NHSL3: variants seen among roughly 807,000 people sequenced by gnomAD.
NHSL3 encodes NHS like 3.
At chr1:32,771,847 C>T in the NHSL3 span, 8 of 1,604,572 alleles carry the variant, frequency 5.0e-6, no homozygotes, top group South Asian at 2.2e-5. Context: ...GGTGCGGCTG[C>T]GCTCCGTGGG....
chr1:32,747,959 A>G, the NHSL3 span, among the ~76,000 whole-genome samples: 1 of 152,012 alleles, frequency 6.6e-6, no homozygotes, highest in Non-Finnish European at 1.5e-5. Context: ...AAATGCAAAA[A>G]TTAGCTGGGC....
chr1:32,771,415 A>C, the NHSL3 span: 2 of 1,444,812 alleles, frequency 1.4e-6, no homozygotes, highest in Middle Eastern at 1.9e-4. Context: ...ACCCACTAAG[A>C]AGCCAGAGGT....
chr1:32,745,293 C>G, the NHSL3 span, among the ~76,000 whole-genome samples: 1 of 152,092 alleles, frequency 6.6e-6, no homozygotes, highest in Non-Finnish European at 1.5e-5. Context: ...GGCGTGGTGG[C>G]TCACACCTGT....
the NHSL3 span, among the ~76,000 whole-genome samples, chr1:32,750,466 C>T: frequency 4.6e-5 from 7 of 152,096 alleles, 1 homozygote; most frequent in Non-Finnish European, 8.8e-5. Flanking sequence ...GCTTAGGACA[C>T]CCCCTCCTCC....
At chr1:32,771,642 A>G in the NHSL3 span, 1 of 1,612,414 alleles carries the variant, frequency 6.2e-7, no homozygotes, top group Non-Finnish European at 8.5e-7. Flanking sequence ...CGTCCTCCTC[A>G]GCTACTGCTT....
chr1:32,757,308 G>A, the NHSL3 span, among the ~76,000 whole-genome samples: 2 of 152,136 alleles, frequency 1.3e-5, no homozygotes, highest in African/African-American at 2.4e-5. Context: ...TACAAAAGTG[G>A]GGTGTTAGGA....
chr1:32,770,346 A>C, the NHSL3 span: 284 of 1,611,208 alleles, frequency 1.8e-4, no homozygotes, highest in African/African-American at 3.4e-3. The surrounding 1 kb of genome is among the most constrained non-coding windows in gnomAD (Gnocchi z 8.3). Flanking sequence ...GCCCAGCCTC[A>C]GTCCGCTCGC....
At chr1:32,752,459 C>G in the NHSL3 span, among the ~76,000 whole-genome samples, 21 of 152,136 alleles carry the variant, frequency 1.4e-4, no homozygotes. Flanking sequence ...GTTGGAGAGA[C>G]AGGGCAGAAG....
the NHSL3 span, among the ~76,000 whole-genome samples, chr1:32,764,597 A>G: frequency 4.6e-5 from 7 of 151,698 alleles, no homozygotes; most frequent in African/African-American, 1.7e-4. Context: ...CCTCCCGAGT[A>G]GCTGAGATTA....
the NHSL3 span, among the ~76,000 whole-genome samples, chr1:32,752,680 C>T: frequency 1.3e-5 from 2 of 151,424 alleles, no homozygotes; most frequent in African/African-American, 2.4e-5. Context: ...CAGGTTCAAG[C>T]GATCCTCCCA....
chr1:32,742,132 GC>G, the NHSL3 span: 8 of 1,244,560 alleles, frequency 6.4e-6, no homozygotes, highest in South Asian at 6.6e-5. Context: ...CGAACCGGCC[GC>G]CCCCCGGGCC....
the NHSL3 span, chr1:32,754,065 T>G: frequency 1.5e-6 from 1 of 652,106 alleles, no homozygotes; most frequent in Non-Finnish European, 2.8e-6. Flanking sequence ...GCGCTTGGGT[T>G]CCCGCGCCGG....
chr1:32,769,753 C>T, the NHSL3 span: 7 of 1,613,500 alleles, frequency 4.3e-6, no homozygotes, highest in South Asian at 4.4e-5. Context: ...GAGCACTGTG[C>T]TGGGACTCCC....
the NHSL3 span, among the ~76,000 whole-genome samples, chr1:32,745,470 A>G: frequency 1.3e-5 from 2 of 151,570 alleles, no homozygotes; most frequent in African/African-American, 4.9e-5. Context: ...AGGCAGGAGA[A>G]TCGCTTGAAC....
the NHSL3 span, chr1:32,769,849 G>C: frequency 5.3e-5 from 86 of 1,611,424 alleles, no homozygotes; most frequent in Non-Finnish European, 7.1e-5. Flanking sequence ...TCCCCTCTCT[G>C]CTGACCCCAC....
the NHSL3 span, chr1:32,753,895 C>G: frequency 1.9e-5 from 4 of 210,662 alleles, no homozygotes; most frequent in East Asian, 5.1e-4. Context: ...GGATGCGCGC[C>G]AGGCCCCGCC....
chr1:32,767,743 C>G, the NHSL3 span: 2 of 1,544,192 alleles, frequency 1.3e-6, no homozygotes, highest in Non-Finnish European at 1.8e-6. Context: ...CCTGCAGGGC[C>G]CAGATGCCTT....
the NHSL3 span, among the ~76,000 whole-genome samples, chr1:32,742,831 C>T: frequency 1.3e-5 from 2 of 152,254 alleles, no homozygotes; most frequent in Non-Finnish European, 2.9e-5. Flanking sequence ...CCTATCACTC[C>T]TTCTTCCAGC....
chr1:32,771,171 C>G, the NHSL3 span: 1 of 1,611,638 alleles, frequency 6.2e-7, no homozygotes, highest in South Asian at 1.1e-5. Flanking sequence ...CTCCTCACCC[C>G]AAGGTGCCTG....
Sources: gnomAD v4.1 joint callset for allele counts (sites outside exome capture counted in the v4.1 genomes callset) on GRCh38, gnomAD v4.1.1 for gene constraint, Gnocchi (gnomAD v3.1) non-coding constraint, MANE v1.5 for transcripts, NCBI Gene and HGNC (gene_info 2026-07-23, HGNC 2026-07-21) for gene names.